PDE1C: variants seen among roughly 807,000 people sequenced by gnomAD.
The protein encoded by PDE1C is phosphodiesterase 1C.
PDE1C carries 62 observed loss-of-function variants against 93.1 expected under a neutral mutation model. The observed-to-expected ratio is 0.67, with a 90% CI of 0.54 to 0.82. The LOEUF (loss-of-function observed/expected upper bound fraction) is 0.82. Ranked by LOEUF, PDE1C falls within the 40% of genes least tolerant of loss-of-function variation. The pLI is 0.00. For missense variants in PDE1C, 742 were observed against 884.6 expected (o/e 0.84, Z 2.04); for synonymous variants, 325 against 310.1 (o/e 1.05, Z -0.50).
intron 2 of PDE1C, among the ~76,000 whole-genome samples, chr7:31,883,776 T>G (rs1797543263): frequency 6.6e-6 from 1 of 152,182 alleles, no homozygotes; most frequent in Non-Finnish European, 1.5e-5. Context: ...CACTCAGCTG[T>G]TCCAATGAGT....
chr7:32,068,323 CCAAG>C (rs2128722857), intron 1 of PDE1C, among the ~76,000 whole-genome samples: 1 of 152,224 alleles, frequency 6.6e-6, no homozygotes, highest in African/African-American at 2.4e-5. Flanking sequence ...AAATGTTATT[CCAAG>C]TTGTATAAAA....
intron 3 of PDE1C, among the ~76,000 whole-genome samples, chr7:32,136,261 T>C (rs928327736): frequency 2.6e-5 from 4 of 152,230 alleles, no homozygotes; most frequent in Non-Finnish European, 5.9e-5. Context: ...TGTATACATA[T>C]ACCAAATCAT....
the PDE1C span, among the ~76,000 whole-genome samples, chr7:31,649,394 C>T: frequency 6.6e-6 from 1 of 152,096 alleles, no homozygotes; most frequent in Admixed American, 6.6e-5. Flanking sequence ...AGCTTCAAAA[C>T]AGCCAGCCTG....
At chr7:32,076,475 T>C (rs1394761836) in intron 3 of PDE1C, among the ~76,000 whole-genome samples, 10 of 151,434 alleles carry the variant, frequency 6.6e-5, no homozygotes, top group Non-Finnish European at 1.5e-4. Flanking sequence ...ACCCCATCTC[T>C]ACGAAAAAAA....
At chr7:31,970,239 T>C (rs906007780) in intron 2 of PDE1C, among the ~76,000 whole-genome samples, 6 of 152,050 alleles carry the variant, frequency 3.9e-5, no homozygotes, top group Non-Finnish European at 8.8e-5. Flanking sequence ...TATCATTGAG[T>C]CAGTGGACAG....
At chr7:31,805,037 A>G (rs1358793401) in intron 16 of PDE1C, among the ~76,000 whole-genome samples, 2 of 151,622 alleles carry the variant, frequency 1.3e-5, no homozygotes, top group Non-Finnish European at 2.9e-5. Context: ...ATGATAGTAA[A>G]TAAGTCTCAC....
In PDE1C at chr7:32,235,599, A is replaced by T. The variant is rs78202761; in HGVS notation, c.86-26060T>A. 5.7e-3 allele frequency among the ~76,000 whole-genome samples: 866 copies of T among 152,214 alleles called. 9 individuals are homozygous for T. The highest frequency in any genetic ancestry group is 0.02 in the African/African-American group (827 of 41,574). ...GAAATACATAAACATCTAGTGAAACATATACAGGATTTGAGTGCTGAGAAC... is the reference window on the plus strand; with the variant it reads ...GAAATACATAAACATCTAGTGAAACTTATACAGGATTTGAGTGCTGAGAAC... On this transcript the variant is annotated intron_variant, in intron 1 of 18. Transcript: ENST00000396193.
chr7:31,622,747 TAACTA>T, the PDE1C span, among the ~76,000 whole-genome samples: 1 of 151,688 alleles, frequency 6.6e-6, no homozygotes, highest in South Asian at 2.1e-4. Context: ...AGGCAAGAAA[TAACTA>T]AAATCAGAGC....
intron 5 of PDE1C, among the ~76,000 whole-genome samples, chr7:31,876,713 T>C (rs1583732230): frequency 6.6e-6 from 1 of 152,188 alleles, no homozygotes; most frequent in Admixed American, 6.5e-5. Context: ...GAAATATCAC[T>C]GTACATTACA....
intron 3 of PDE1C, among the ~76,000 whole-genome samples, chr7:32,085,030 CA>C (rs1796978475): frequency 7.8e-6 from 1 of 127,468 alleles, no homozygotes; most frequent in Non-Finnish European, 1.7e-5. Context: ...AATAGAGACA[CA>C]AAAAACCCTT....
intron 2 of PDE1C, among the ~76,000 whole-genome samples, chr7:31,998,015 T>TTTAC: frequency 6.7e-6 from 1 of 149,094 alleles, no homozygotes. Flanking sequence ...TTTATTTTTA[T>TTTAC]TTATTTATTT....
At chr7:31,898,174 A>T (rs1476097598) in intron 2 of PDE1C, among the ~76,000 whole-genome samples, 1 of 152,070 alleles carries the variant, frequency 6.6e-6, no homozygotes, top group Non-Finnish European at 1.5e-5. Flanking sequence ...TTCCTTTCAT[A>T]GTCTCCCACA....
the PDE1C span, among the ~76,000 whole-genome samples, chr7:31,630,030 A>G: frequency 3.3e-5 from 5 of 152,314 alleles, no homozygotes; most frequent in East Asian, 9.6e-4. Context: ...ATCCTAGATT[A>G]TATCATAGAA....
At chr7:31,898,834 G>A (rs1799624386) in intron 2 of PDE1C, among the ~76,000 whole-genome samples, 2 of 152,116 alleles carry the variant, frequency 1.3e-5, no homozygotes, top group Admixed American at 6.5e-5. Flanking sequence ...GTGCAAAAAT[G>A]TTTTTTGTCT....
chr7:32,328,498 C>T (rs1354382601), intron 1 of PDE1C, among the ~76,000 whole-genome samples: 1 of 152,156 alleles, frequency 6.6e-6, no homozygotes, highest in Non-Finnish European at 1.5e-5. Flanking sequence ...GCCAACTTCA[C>T]CTTACCAACC....
the PDE1C span, among the ~76,000 whole-genome samples, chr7:31,649,685 C>T: frequency 2.6e-5 from 4 of 152,094 alleles, no homozygotes; most frequent in African/African-American, 9.7e-5. Flanking sequence ...TACTCAAAGT[C>T]AAATGGTTAG....
At chr7:32,236,909 T>C (rs560560485) in intron 1 of PDE1C, among the ~76,000 whole-genome samples, 13 of 152,082 alleles carry the variant, frequency 8.5e-5, no homozygotes, top group South Asian at 2.1e-4. Context: ...AGTGGGTGAA[T>C]AGATAAACAA....
chr7:32,136,502 A>T (rs1800219991), intron 3 of PDE1C, among the ~76,000 whole-genome samples: 1 of 151,208 alleles, frequency 6.6e-6, no homozygotes, highest in South Asian at 2.1e-4. Context: ...CTAATCATTT[A>T]TCCATTTTTT....
At chr7:31,910,801 A>G (rs1038315933) in intron 2 of PDE1C, among the ~76,000 whole-genome samples, 13 of 152,096 alleles carry the variant, frequency 8.5e-5, no homozygotes, top group Non-Finnish European at 1.8e-4. Context: ...AGCTTTATCT[A>G]ATGTAGTTGG....
Sources: gnomAD v4.1 joint callset for allele counts (sites outside exome capture counted in the v4.1 genomes callset) on GRCh38, gnomAD v4.1.1 for gene constraint, MANE v1.5 for transcripts, NCBI Gene and HGNC (gene_info 2026-07-23, HGNC 2026-07-21) for gene names.